Variants in DMRT1 observed in about 807,000 individuals in gnomAD.
DMRT1 encodes the protein doublesex- and mab-3-related transcription factor 1.
DMRT1 carries 7 observed loss-of-function variants against 32.3 expected under a neutral mutation model. The observed-to-expected ratio is 0.22, with a 90% confidence interval of 0.12 to 0.41. The LOEUF (loss-of-function observed/expected upper bound fraction) is 0.41, where lower values mean the gene tolerates loss of function less well. Ranked by LOEUF, DMRT1 falls within the 10% of genes least tolerant of loss-of-function variation. The pLI is 1.00. For missense variants in DMRT1, 625 were observed against 500.5 expected (o/e 1.25, Z -2.37); for synonymous variants, 278 against 206.1 (o/e 1.35, Z -2.99).
intron 4 of DMRT1, among the ~76,000 whole-genome samples, chr9:952,900 A>C (rs1342157636): frequency 2.0e-5 from 3 of 152,184 alleles, no homozygotes; most frequent in Non-Finnish European, 2.9e-5. Flanking sequence ...AGAGTCAGTG[A>C]AATTTATATT....
intron 4 of DMRT1, among the ~76,000 whole-genome samples, chr9:947,988 G>A (rs1365505152): frequency 6.6e-6 from 1 of 152,220 alleles, no homozygotes; most frequent in Non-Finnish European, 1.5e-5. Context: ...TGCTGACTGG[G>A]AGGTGCTGGA....
At chr9:922,300 A>G (rs1202133588) in intron 4 of DMRT1, among the ~76,000 whole-genome samples, 1 of 151,994 alleles carries the variant, frequency 6.6e-6, no homozygotes, top group African/African-American at 2.4e-5. Flanking sequence ...TGCTCCACAG[A>G]CTGTTTGAAG....
At chr9:950,206 C>T (rs1297780275) in intron 4 of DMRT1, among the ~76,000 whole-genome samples, 1 of 152,100 alleles carries the variant, frequency 6.6e-6, no homozygotes, top group East Asian at 1.9e-4. Flanking sequence ...AAACCTGCAA[C>T]TCAGTTGATG....
intron 1 of DMRT1, among the ~76,000 whole-genome samples, chr9:846,365 G>C (rs912270268): frequency 1.9e-4 from 29 of 151,970 alleles, no homozygotes; most frequent in Non-Finnish European, 3.7e-4. Flanking sequence ...AGTAATGTAG[G>C]ATACAATCTA....
At chr9:866,384 G>C (rs1225998780) in intron 2 of DMRT1, among the ~76,000 whole-genome samples, 2 of 152,082 alleles carry the variant, frequency 1.3e-5, no homozygotes, top group African/African-American at 2.4e-5. Context: ...CAGACCCCTT[G>C]ACGTCACCAC....
intron 4 of DMRT1, among the ~76,000 whole-genome samples, chr9:920,211 A>G (rs557364272): frequency 2.0e-5 from 3 of 152,076 alleles, no homozygotes; most frequent in South Asian, 2.1e-4. Flanking sequence ...TTTGAAGTCA[A>G]TGTGATGAGA....
intron 3 of DMRT1, among the ~76,000 whole-genome samples, chr9:901,168 C>CCA (rs1169068285): frequency 6.6e-6 from 1 of 152,254 alleles, no homozygotes; most frequent in African/African-American, 2.4e-5. Context: ...GCATGTACCA[C>CCA]CACACCCAGC....
At position 909,059 on chromosome 9, in the gene DMRT1, C is replaced by T. The variant is rs559710256; in HGVS notation, c.823-7704C>T. Among the ~76,000 whole-genome samples the T allele has an allele frequency of 3.3e-5, 5 of 152,220 alleles. No homozygotes were observed. The South Asian group carries it at 6.2e-4, about 19-fold the overall frequency. On this transcript the variant is annotated intron_variant, in intron 3 of 4. Transcript: ENST00000382276. ...CACAAGTGCCTGTCTCTGCCTGCCTCGGTTCTTTCCTCCCTCTAGGAGGGA... is the reference window on the plus strand; with the variant it reads ...CACAAGTGCCTGTCTCTGCCTGCCTTGGTTCTTTCCTCCCTCTAGGAGGGA...
Position 870,754 on chromosome 9 carries a change from C to T in DMRT1, c.539-23158C>T, listed in dbSNP as rs191435150. ...TGAGACAGGGTCTTACTCCATTGCCCACGCTGGAGTGCAGTGGTGTGATCA... is the reference window on the plus strand; with the variant it reads ...TGAGACAGGGTCTTACTCCATTGCCTACGCTGGAGTGCAGTGGTGTGATCA... On this transcript the variant is annotated intron_variant, in intron 2 of 4. Coordinates refer to ENST00000382276, the MANE Select transcript of DMRT1 (RefSeq NM_021951.3). 1.9e-4 allele frequency among the ~76,000 whole-genome samples: 25 copies of T among 134,728 alleles called. No homozygotes were observed. The East Asian group carries it at 4.3e-3, about 23-fold the overall frequency. 88.4% of individuals were successfully genotyped at this position (134,728 alleles called of 152,430 possible). A position where few individuals can be genotyped will look rare whatever the true frequency, so the allele number is the denominator to read the frequency against.
At chr9:850,464 A>G (rs1057354764) in intron 2 of DMRT1, among the ~76,000 whole-genome samples, 2 of 152,212 alleles carry the variant, frequency 1.3e-5, no homozygotes, top group African/African-American at 2.4e-5. Flanking sequence ...AAATAATTTC[A>G]TGGAGGTGAA....
At chr9:871,929 T>A (rs1816285684) in intron 2 of DMRT1, among the ~76,000 whole-genome samples, 1 of 151,530 alleles carries the variant, frequency 6.6e-6, no homozygotes, top group Admixed American at 6.6e-5. Flanking sequence ...CATTTCTTGT[T>A]ATATTTTCTT....
chr9:908,821 T>C (rs942816192), intron 3 of DMRT1, among the ~76,000 whole-genome samples: 3 of 152,078 alleles, frequency 2.0e-5, no homozygotes, highest in African/African-American at 7.2e-5. Flanking sequence ...TCTCCACTCC[T>C]CCCCCGTTTT....
chr9:960,898 AGT>A (rs916456779), intron 4 of DMRT1, among the ~76,000 whole-genome samples: 4 of 152,168 alleles, frequency 2.6e-5, no homozygotes, highest in Non-Finnish European at 5.9e-5. Context: ...AGTGCTGAGA[AGT>A]GACGCTAGGA....
At chr9:909,801 C>T (rs1817908183) in intron 3 of DMRT1, among the ~76,000 whole-genome samples, 2 of 152,110 alleles carry the variant, frequency 1.3e-5, no homozygotes, top group South Asian at 4.1e-4. Context: ...CAGCCTTGAC[C>T]TGCTGGGCTT....
intron 3 of DMRT1, among the ~76,000 whole-genome samples, chr9:912,301 G>A (rs1727488147): frequency 6.6e-6 from 1 of 152,198 alleles, no homozygotes; most frequent in African/African-American, 2.4e-5. Context: ...GGTGTGAGAT[G>A]AGATTTGAGT....
chr9:905,670 C>G (rs1257363081), intron 3 of DMRT1, among the ~76,000 whole-genome samples: 1 of 152,050 alleles, frequency 6.6e-6, no homozygotes, highest in Non-Finnish European at 1.5e-5. Context: ...AGCAGGTGGA[C>G]CCGTGAGGGG....
chr9:895,836 T>G (rs1257874396), intron 3 of DMRT1, among the ~76,000 whole-genome samples: 1 of 149,888 alleles, frequency 6.7e-6, no homozygotes, highest in Non-Finnish European at 1.5e-5. Flanking sequence ...GAGGGAGTCT[T>G]GCTCTGTCAC....
At chr9:850,922 G>T (rs10117378) in intron 2 of DMRT1, among the ~76,000 whole-genome samples, 1 of 151,820 alleles carries the variant, frequency 6.6e-6, no homozygotes, top group African/African-American at 2.4e-5. Context: ...CCAGCTACTC[G>T]AGAGGCTGAG....
chr9:898,744 TGTGTTG>T (rs1817464927), intron 3 of DMRT1, among the ~76,000 whole-genome samples: 1 of 152,236 alleles, frequency 6.6e-6, no homozygotes, highest in Non-Finnish European at 1.5e-5. Context: ...CTTTCTTGAC[TGTGTTG>T]CTAAGGCCGG....
Sources: allele counts gnomAD v4.1 joint callset (sites outside exome capture counted in the v4.1 genomes callset), GRCh38; gene constraint gnomAD v4.1.1; transcripts MANE v1.5; gene names NCBI Gene and HGNC (gene_info 2026-07-23, HGNC 2026-07-21).